Variants in RELCH observed in about 807,000 individuals in gnomAD.
RELCH encodes the protein RAB11-binding protein RELCH.
RELCH carries 41 observed loss-of-function variants against 150.3 expected under a neutral mutation model. The observed-to-expected ratio is 0.27, with a 90% confidence interval of 0.21 to 0.35. The LOEUF is 0.35. Ranked by LOEUF, RELCH falls within the 10% of genes least tolerant of loss-of-function variation. The probability of loss-of-function intolerance (pLI) is 1.00; values close to 1 mark genes in which losing one functional copy is unlikely to be tolerated. For synonymous variants in RELCH, 478 were observed against 531.8 expected, an observed-to-expected ratio of 0.90 and a Z score of 1.39; for missense variants, 1,092 against 1,467.8, an observed-to-expected ratio of 0.74 and a Z score of 4.18.
chr18:62,293,603 G>A (rs2045263928), intron 27 of RELCH, among the ~76,000 whole-genome samples: 1 of 151,838 alleles, frequency 6.6e-6, no homozygotes, highest in African/African-American at 2.4e-5. Flanking sequence ...TAAATAACTG[G>A]GTGCTATATC....
intron 8 of RELCH, among the ~76,000 whole-genome samples, chr18:62,230,029 C>T (rs78671010): frequency 0.044 from 6,653 of 152,028 alleles, 176 homozygotes; most frequent in South Asian, 0.073. Context: ...GGAAACTATA[C>T]GGGTATATGT....
chr18:62,287,623 T>G (rs763644391), intron 26 of RELCH, among the ~76,000 whole-genome samples, 156 bp downstream of exon 26: 12 of 152,180 alleles, frequency 7.9e-5, no homozygotes, highest in Non-Finnish European at 1.5e-4. Context: ...CACTCCTTCT[T>G]CTAGCCATCT....
chr18:62,187,313 A>G lies in RELCH; in HGVS notation c.-193A>G. 1 of 439,712 alleles carries G rather than the reference A, an allele frequency of 2.3e-6. No individual in the cohort carries two copies. Among genetic ancestry groups the G allele is most frequent in the Non-Finnish European group, 4.0e-6 (1 of 252,116 alleles). 27.2% of individuals were successfully genotyped at this position (439,712 alleles called of 1,614,324 possible). A position where few individuals can be genotyped will look rare whatever the true frequency, so the allele number is the denominator to read the frequency against. On this transcript the variant is annotated 5_prime_UTR_variant, in exon 1 of 29. Transcript: ENST00000644646. Reference sequence around the variant, plus strand: ...TGCAGAGCCGGGCTGCTGGTGCAGCAGAGGCTGAGGCATCAGGTGCAGCTG... The same window carrying G: ...TGCAGAGCCGGGCTGCTGGTGCAGCGGAGGCTGAGGCATCAGGTGCAGCTG...
chr18:62,257,782 AAAG>A (rs997094029), intron 13 of RELCH, among the ~76,000 whole-genome samples, 163 bp from the exon 14 acceptor site: 3 of 152,142 alleles, frequency 2.0e-5, no homozygotes, highest in South Asian at 2.1e-4. Context: ...TTCAAAAAAA[AAAG>A]GTCTGAAGCA....
At chr18:62,294,128 A>G (rs2045289386) in intron 27 of RELCH, among the ~76,000 whole-genome samples, 1 of 152,098 alleles carries the variant, frequency 6.6e-6, no homozygotes, top group African/African-American at 2.4e-5. Flanking sequence ...TTCTGGGAAA[A>G]TAGGTGATAT....
At chr18:62,234,641 G>A (rs1430535652) in intron 10 of RELCH, among the ~76,000 whole-genome samples, 1 of 151,734 alleles carries the variant, frequency 6.6e-6, no homozygotes, top group Non-Finnish European at 1.5e-5. Context: ...TGTTTACATG[G>A]TGTAATTTTT....
intron 12 of RELCH, among the ~76,000 whole-genome samples, chr18:62,254,273 T>C (rs1360604738): frequency 6.6e-6 from 1 of 151,866 alleles, no homozygotes; most frequent in Non-Finnish European, 1.5e-5. Context: ...AAAATTTCTC[T>C]CAACAGTAAT....
At chr18:62,252,307 T>C (rs1392206190) in intron 11 of RELCH, among the ~76,000 whole-genome samples, 2 of 151,856 alleles carry the variant, frequency 1.3e-5, no homozygotes, top group Non-Finnish European at 2.9e-5. Context: ...CCAAAAGGTC[T>C]AATTTTTCAA....
At chr18:62,238,075 T>G (rs922068772) in intron 10 of RELCH, among the ~76,000 whole-genome samples, 1 of 151,902 alleles carries the variant, frequency 6.6e-6, no homozygotes, top group African/African-American at 2.4e-5. Context: ...AATTGAATTA[T>G]GGCGTGCTAT....
Position 62,287,401 on chromosome 18 carries a change from G to T in RELCH, c.3304G>T (p.Val1102Leu). Residue 1102 changes from valine (V) to leucine (L), a missense_variant, in exon 26 of 29, where the codon GTG becomes TTG. By Grantham distance (32) the Val-to-Leu change is conservative (BLOSUM62 1). Transcript: ENST00000644646. ...AGCCTTGGTGAACAACTTACAGATT[G>T]TGGATTCTAAAAGACTGGACATTGC... ...KLALVNNLQI[V>L]DSKRLDIATH... is the part of the protein sequence containing the mutation. 1 of 1,610,630 alleles carries T rather than the reference G, an allele frequency of 6.2e-7. No individual in the cohort carries two copies. The highest frequency in any genetic ancestry group is 1.7e-4 in the Middle Eastern group (1 of 6,048).
chr18:62,256,618 C>T (rs2043004563), intron 13 of RELCH, among the ~76,000 whole-genome samples: 2 of 151,980 alleles, frequency 1.3e-5, no homozygotes, highest in South Asian at 2.1e-4. Context: ...TTGCCTTCTG[C>T]GTACCCCATT....
rs1568279881 is a variant in RELCH at position 62,187,895 on chromosome 18, C to T, written c.390C>T (p.Tyr130=). ...GGGAGCTGCCTCGGCTGCGCGACTACTTCTCCAATCCAGGCAACTTCGAGA... is the reference window on the plus strand; with the variant it reads ...GGGAGCTGCCTCGGCTGCGCGACTATTTCTCCAATCCAGGCAACTTCGAGA... ...SGRELPRLRD[Y]FSNPGNFERQ... Residue 130 remains tyrosine (Y), a synonymous_variant, in exon 1 of 29, where the codon TAC becomes TAT. Transcript: ENST00000644646. The T allele has an allele frequency of 1.3e-6, 2 of 1,595,596 alleles. No homozygotes were observed. The highest frequency in any genetic ancestry group is 2.3e-5 in the South Asian group (2 of 88,512).
chr18:62,290,389 G>T (rs1224122581), intron 26 of RELCH, among the ~76,000 whole-genome samples: 1 of 152,176 alleles, frequency 6.6e-6, no homozygotes, highest in Non-Finnish European at 1.5e-5. Context: ...AAATTAGCTG[G>T]ATGTGGTGCC....
intron 2 of RELCH, among the ~76,000 whole-genome samples, chr18:62,212,452 C>T (rs1362793108): frequency 2.0e-5 from 3 of 152,144 alleles, no homozygotes; most frequent in African/African-American, 7.2e-5. Flanking sequence ...AATATGGGGT[C>T]AGAGAATACC....
At chr18:62,300,135 G>A (rs2045599201) in intron 28 of RELCH, 1 of 152,154 alleles carries the variant, frequency 6.6e-6, no homozygotes, top group African/African-American at 2.4e-5. Flanking sequence ...AAGAAACTGA[G>A]TCATTTGTCC....
intron 11 of RELCH, 105 bp downstream of exon 11, chr18:62,244,981 C>T: frequency 1.4e-6 from 1 of 736,516 alleles, no homozygotes; most frequent in Middle Eastern, 2.5e-4. Context: ...TTCTTTCCTT[C>T]CAGTATCTAT....
chr18:62,199,126 G>A (rs1171607475), intron 1 of RELCH, among the ~76,000 whole-genome samples: 1 of 149,310 alleles, frequency 6.7e-6, no homozygotes, highest in Non-Finnish European at 1.5e-5. Context: ...TTTTCTTATG[G>A]AATACTTGTC....
chr18:62,222,704 A>G (rs920656234), intron 5 of RELCH, among the ~76,000 whole-genome samples: 1 of 151,994 alleles, frequency 6.6e-6, no homozygotes, highest in African/African-American at 2.4e-5. Context: ...GGCTTGTGCT[A>G]TGTTATCAAC....
rs1224576507 is a variant in RELCH, at chr18:62,269,796, A to G, written c.2760+848A>G. On this transcript the variant is annotated intron_variant, in intron 20 of 28. Transcript: ENST00000644646. ...TAACAAAGCACAGTAGCATCACCAG[A>G]ATACCTGTATCATCTGTTGAACAAC... is the stretch of plus-strand genomic sequence containing the variant. Among the ~76,000 whole-genome samples, 4 of 152,290 alleles carry G rather than the reference A, an allele frequency of 2.6e-5. No individual in the cohort carries two copies. In the East Asian group the frequency reaches 7.7e-4, roughly 29 times the overall value.
Sources: gnomAD v4.1 joint callset for allele counts (sites outside exome capture counted in the v4.1 genomes callset) on GRCh38, gnomAD v4.1.1 for gene constraint, MANE v1.5 for transcripts, NCBI Gene and HGNC (gene_info 2026-07-23, HGNC 2026-07-21) for gene names.